The following STARD3 variants were observed in gnomAD, a reference collection of about 807,000 sequenced individuals.
The protein encoded by STARD3 is stAR-related lipid transfer protein 3.
Under a neutral mutation model 62.0 loss-of-function variants are expected in STARD3, and 39 were observed. The ratio of observed to expected loss-of-function variants is 0.63; its 90% confidence interval spans 0.49 to 0.82. STARD3 has a LOEUF of 0.82. Ranked by LOEUF, STARD3 falls within the 40% of genes least tolerant of loss-of-function variation. The pLI is 0.00. For missense variants in STARD3, 543 were observed against 584.5 expected, an observed-to-expected ratio of 0.93 and a Z score of 0.73; for synonymous variants, 229 against 242.4, an observed-to-expected ratio of 0.94 and a Z score of 0.51.
At chr17:39,644,811 G>A (rs1214243514) in intron 1 of STARD3, among the ~76,000 whole-genome samples, 4 of 150,610 alleles carry the variant, frequency 2.7e-5, no homozygotes. Flanking sequence ...GCAATGAGCT[G>A]TAATCACACC....
intron 1 of STARD3, among the ~76,000 whole-genome samples, chr17:39,643,725 C>T (rs914458074): frequency 6.6e-6 from 1 of 152,206 alleles, no homozygotes. Flanking sequence ...AACCCCAGCC[C>T]TGCCCTGAAG....
Position 39,653,621 on chromosome 17 carries a change from GA to G in STARD3, c.91del (p.Ser31AlafsTer42), listed in dbSNP as rs1012157223. 6.2e-7 allele frequency: 1 copy of G among 1,613,376 alleles called. No individual in the cohort carries two copies. Among genetic ancestry groups the G allele is most frequent in the African/African-American group, 1.3e-5 (1 of 74,924 alleles). On this transcript the variant is annotated frameshift_variant, in exon 2 of 15. Transcript: ENST00000336308. LOFTEE classifies it high-confidence loss of function. ...TGGGCTCCTCACTGTCCCACAGCCA[GA>G]GCCTCTCCTCGCACCTCCTTCCGCC... ...SLGSSLSHSQ[S>X]LSSHLLPPPE... is the part of the protein sequence containing the mutation.
intron 8 of STARD3, 25 bp from the exon 9 acceptor site, chr17:39,659,436 C>T: frequency 6.2e-7 from 1 of 1,611,778 alleles, no homozygotes; most frequent in Non-Finnish European, 8.5e-7. Flanking sequence ...AGGCTGACCC[C>T]TCCCTGCCTC....
rs1233769302 is a variant in STARD3, at chr17:39,660,302, C to T, written c.858+29C>T. On this transcript the variant is annotated intron_variant, in intron 10 of 14. Transcript: ENST00000336308. This position sits in a 1 kb window ranked among gnomAD's most constrained non-coding sequence, Gnocchi z 4.8. ...AGTGAGGGGAGCGGGTGTCCTGGAG[C>T]CCCAGACAGCACAGGAGGCTCCAGG... is the stretch of plus-strand genomic sequence containing the variant. 3 of 1,613,688 alleles carry T rather than the reference C, an allele frequency of 1.9e-6. No individual in the cohort carries two copies. The highest frequency in any genetic ancestry group is 1.3e-5 in the African/African-American group (1 of 75,034).
At chr17:39,659,619 C>G in intron 9 of STARD3, 66 bp downstream of exon 9, 1 of 1,540,170 alleles carries the variant, frequency 6.5e-7, no homozygotes, top group South Asian at 1.1e-5. Context: ...TTTTCTGAGG[C>G]CTGAGGAAGA....
At chr17:39,661,207 T>A (rs2145045931) in intron 13 of STARD3, 122 bp downstream of exon 13, 1 of 831,508 alleles carries the variant, frequency 1.2e-6, no homozygotes, top group African/African-American at 1.7e-5. Context: ...CTGTTCCCTG[T>A]CCCGCTGGGC....
In STARD3 at chr17:39,661,004, T is replaced by G; in HGVS notation, c.1058T>G (p.Ile353Ser). 1.2e-6 allele frequency: 2 copies of G among 1,613,792 alleles called. No individual in the cohort carries two copies. Among genetic ancestry groups the G allele is most frequent in the South Asian group, 2.2e-5 (2 of 91,084 alleles). The change falls in exon 13 of 15, where the codon ATT becomes AGT. Residue 353 changes from isoleucine (I) to serine (S), a missense_variant. Physicochemically the swap from Ile to Ser is moderately radical, Grantham distance 142. Coordinates refer to ENST00000336308, the MANE Select transcript of STARD3 (RefSeq NM_006804.4). ...AGGGACTTCGTGAATGTCCGGCGCA[T>G]TGAGCGGCGCAGGGACCGATACTTG... ...SPRDFVNVRR[I>S]ERRRDRYLSS...
At chr17:39,659,320 G>A (rs1389552456) in intron 8 of STARD3, 141 bp from the exon 9 acceptor site, 2 of 1,006,512 alleles carry the variant, frequency 2.0e-6, no homozygotes, top group African/African-American at 3.2e-5. Flanking sequence ...GCAGGGCCCA[G>A]GGAGACCAGC....
rs1376244347 is a variant in STARD3 at position 39,664,196 on chromosome 17, A to AC, written c.*1290dup. The AC allele has an allele frequency of 6.6e-6, 1 of 152,444 alleles. No individual in the cohort carries two copies. Among genetic ancestry groups the AC allele is most frequent in the East Asian group, 1.9e-4 (1 of 5,326 alleles). The allele number at this position is 152,444 out of a possible 1,614,324, so 9.4% of individuals were successfully genotyped here. A position where few individuals can be genotyped will look rare whatever the true frequency, so the allele number is the denominator to read the frequency against. On this transcript the variant is annotated 3_prime_UTR_variant, in exon 15 of 15. Transcript: ENST00000336308. Reference sequence around the variant, plus strand: ...GTTATGAGATTAAAAGATATGAAGAACCGGGGACAGTGCTCAGTAATCAAT... The same window carrying AC: ...GTTATGAGATTAAAAGATATGAAGAACCCGGGGACAGTGCTCAGTAATCAAT...
Position 39,660,795 on chromosome 17 carries a change from G to A in STARD3, c.955-15G>A, listed in dbSNP as rs920353938. 18 of 1,566,388 alleles carry A rather than the reference G, an allele frequency of 1.1e-5. No homozygotes were observed. The highest frequency in any genetic ancestry group is 1.7e-4 in the Middle Eastern group (1 of 5,820). ...GGGGCGACCTGTTCCAAAAGTCTCCGTTGACGGCCCTCAGATCCTGCAGCG... is the reference window on the plus strand; with the variant it reads ...GGGGCGACCTGTTCCAAAAGTCTCCATTGACGGCCCTCAGATCCTGCAGCG... On this transcript the variant is annotated splice_polypyrimidine_tract_variant and intron_variant, in intron 11 of 14. Coordinates refer to ENST00000336308, the MANE Select transcript of STARD3 (RefSeq NM_006804.4). This position sits in a 1 kb window ranked among gnomAD's most constrained non-coding sequence, Gnocchi z 4.8.
In STARD3 at chr17:39,657,974, T is replaced by G. The variant is rs1356701624; in HGVS notation, c.377T>G (p.Val126Gly). ...TTCCTCCCTCCCTCCCCTGGGCAGG[T>G]CACGACGCTGGTGTCCAGTGCATTC... Reference protein sequence around the residue: ...LRLRHWWVIAVTTLVSSAFLI... With the variant: ...LRLRHWWVIAGTTLVSSAFLI... Residue 126 changes from valine (V) to glycine (G), a missense_variant and splice_region_variant, in exon 5 of 15, where the codon GTC (valine) becomes GGC (glycine). Val to Gly is a moderately radical substitution (Grantham distance 109). Coordinates refer to ENST00000336308, the MANE Select transcript of STARD3 (RefSeq NM_006804.4). The G allele has an allele frequency of 6.3e-7, 1 of 1,587,908 alleles. No homozygotes were observed. Among genetic ancestry groups the G allele is most frequent in the Non-Finnish European group, 8.6e-7 (1 of 1,166,912 alleles).
intron 3 of STARD3, among the ~76,000 whole-genome samples, chr17:39,657,363 T>C (rs2057141202): frequency 6.6e-6 from 1 of 152,020 alleles, no homozygotes; most frequent in Admixed American, 6.6e-5. Context: ...CCGCCTCTAC[T>C]AAAAATACAA....
In STARD3 at chr17:39,663,167, T is replaced by G; in HGVS notation, c.*259T>G. The G allele has an allele frequency of 2.2e-6, 1 of 453,722 alleles. No homozygotes were observed. The highest frequency in any genetic ancestry group is 3.5e-5 in the East Asian group (1 of 28,446). The allele number at this position is 453,722 out of a possible 1,614,324, so 28.1% of individuals were successfully genotyped here. A position where few individuals can be genotyped will look rare whatever the true frequency, so the allele number is the denominator to read the frequency against. ...GCGCCCTGCCTCCTGGAGGACCAGA[T>G]TGCTCTGCCCCACCTTGCCAGGGCA... On this transcript the variant is annotated 3_prime_UTR_variant, in exon 15 of 15. Coordinates refer to ENST00000336308, the MANE Select transcript of STARD3 (RefSeq NM_006804.4).
At chr17:39,639,524 A>G (rs2056964620) in intron 1 of STARD3, among the ~76,000 whole-genome samples, 1 of 152,244 alleles carries the variant, frequency 6.6e-6, no homozygotes, top group Non-Finnish European at 1.5e-5. Flanking sequence ...GAGTGGGCTC[A>G]GAGATCAGAA....
chr17:39,649,313 C>T (rs1227073925), intron 1 of STARD3, among the ~76,000 whole-genome samples: 1 of 152,180 alleles, frequency 6.6e-6, no homozygotes, highest in Non-Finnish European at 1.5e-5. Context: ...AGATGTATTT[C>T]CAACAACGGG....
intron 2 of STARD3, among the ~76,000 whole-genome samples, chr17:39,654,910 G>C (rs987189419): frequency 6.6e-6 from 1 of 152,254 alleles, no homozygotes; most frequent in Non-Finnish European, 1.5e-5. Context: ...GAGAGACAGG[G>C]CTCTGAGGGT....
chr17:39,639,945 T>A (rs997399763), intron 1 of STARD3, among the ~76,000 whole-genome samples: 2 of 152,212 alleles, frequency 1.3e-5, no homozygotes. Context: ...ATCCCTTCTC[T>A]GGGAGCCCAC....
rs2057186424 is a variant in STARD3, at chr17:39,660,656, G to A, written c.954+130G>A. ...GGTGTGATGGTAACAGTGCCTGCTC[G>A]GGAGGGTCGGGAGGAGGGCAGGAGG... is the stretch of plus-strand genomic sequence containing the variant. On this transcript the variant is annotated intron_variant, in intron 11 of 14. Coordinates refer to ENST00000336308, the MANE Select transcript of STARD3 (RefSeq NM_006804.4). The surrounding 1 kb of genome is among the most constrained non-coding windows in gnomAD (Gnocchi z 4.8). The A allele has an allele frequency of 2.2e-6, 3 of 1,339,992 alleles. No individual in the cohort carries two copies. Among genetic ancestry groups the A allele is most frequent in the Non-Finnish European group, 2.1e-6 (2 of 951,314 alleles). The allele number at this position is 1,339,992 out of a possible 1,614,324, so 83.0% of individuals were successfully genotyped here.
chr17:39,660,828 G>A lies in STARD3; in HGVS notation c.973G>A (p.Asp325Asn). The change falls in exon 12 of 15, where the codon GAC becomes AAC. Residue 325 changes from aspartate (D) to asparagine (N), a missense_variant. By Grantham distance (23) the Asp-to-Asn change is conservative. Coordinates refer to ENST00000336308, the MANE Select transcript of STARD3 (RefSeq NM_006804.4). This position sits in a 1 kb window ranked among gnomAD's most constrained non-coding sequence, Gnocchi z 4.8. ...CCCTCAGATCCTGCAGCGAGTGGAA[G>A]ACAACACCCTCATCTCCTATGACGT... ...TACQILQRVE[D>N]NTLISYDVSA... is the part of the protein sequence containing the mutation. The A allele has an allele frequency of 6.3e-7, 1 of 1,591,882 alleles. No homozygotes were observed. The highest frequency in any genetic ancestry group is 1.1e-5 in the South Asian group (1 of 87,664).
Sources: gnomAD v4.1 joint callset for allele counts (sites outside exome capture counted in the v4.1 genomes callset) on GRCh38, gnomAD v4.1.1 for gene constraint, Gnocchi (gnomAD v3.1) non-coding constraint, MANE v1.5 for transcripts, NCBI Gene and HGNC (gene_info 2026-07-23, HGNC 2026-07-21) for gene names.